OAS2: variants seen among roughly 807,000 people sequenced by gnomAD.
OAS2 encodes the protein 2'-5'-oligoadenylate synthetase 2, also known as 2'-5'-oligoadenylate synthase 2.
Under a neutral mutation model 71.3 loss-of-function variants are expected in OAS2, and 67 were observed. The ratio of observed to expected loss-of-function variants is 0.94; its 90% CI spans 0.77 to 1.15. The LOEUF (loss-of-function observed/expected upper bound fraction) is 1.15, where lower values mean the gene tolerates loss of function less well. Ranked by LOEUF, OAS2 falls within the 50% of genes most tolerant of loss-of-function variation. OAS2 has a pLI of 0.00. For missense variants in OAS2, 789 were observed against 822.5 expected, an observed-to-expected ratio of 0.96 and a Z score of 0.50; for synonymous variants, 327 against 321.8, an observed-to-expected ratio of 1.02 and a Z score of -0.17.
chr12:112,989,866 A>G lies in OAS2; in HGVS notation c.448+2558A>G, dbSNP rs1593197975. Among the ~76,000 whole-genome samples, 5 of 152,244 alleles carry G rather than the reference A, an allele frequency of 3.3e-5. No individual in the cohort carries two copies. In the South Asian group the frequency reaches 8.3e-4, roughly 25 times the overall value. ...GTTTATATACCTAAGCCAGGATTGTATCTCCAGCTCCCCCACCTCCTCACT... is the reference window on the plus strand; with the variant it reads ...GTTTATATACCTAAGCCAGGATTGTGTCTCCAGCTCCCCCACCTCCTCACT... On this transcript the variant is annotated intron_variant, in intron 2 of 9. Coordinates refer to ENST00000392583, the MANE Select transcript of OAS2 (RefSeq NM_002535.3).
rs373397288 is a variant in OAS2, at chr12:113,008,240, G to A, written c.1895+297G>A. 1.1e-4 allele frequency among the ~76,000 whole-genome samples: 16 copies of A among 152,214 alleles called. No individual in the cohort carries two copies. In the South Asian group the frequency reaches 1.5e-3, roughly 14 times the overall value. On this transcript the variant is annotated intron_variant, in intron 9 of 9. Transcript: ENST00000392583. Reference sequence around the variant, plus strand: ...GAATTAACGCTATCATTCACGGGCCGATTTATCCTGCAGGGTTTTTATTGG... The same window carrying A: ...GAATTAACGCTATCATTCACGGGCCAATTTATCCTGCAGGGTTTTTATTGG...
intron 1 of OAS2, among the ~76,000 whole-genome samples, chr12:112,980,952 T>C (rs138051813): frequency 2.0e-5 from 3 of 152,308 alleles, no homozygotes; most frequent in African/African-American, 7.2e-5. Flanking sequence ...TGATTTGCAT[T>C]TCCCTAGTGA....
rs762942728 is a variant in OAS2, at chr12:113,005,032, C to T, written c.1278C>T (p.Asn426=). 3.7e-6 allele frequency: 6 copies of T among 1,614,036 alleles called. No individual in the cohort carries two copies. The highest frequency in any genetic ancestry group is 3.4e-6 in the Non-Finnish European group (4 of 1,180,034). ...TTAAAAGCTACACCTCCCAAAAAAA[C>T]GAGCGGCACAAAATCGTCAAGGAAA... is the stretch of plus-strand genomic sequence containing the variant. ...NSLKSYTSQK[N]ERHKIVKEIH... Residue 426 remains asparagine (N), a synonymous_variant, in exon 7 of 10, where the codon AAC becomes AAT. Coordinates refer to ENST00000392583, the MANE Select transcript of OAS2 (RefSeq NM_002535.3).
chr12:112,997,916 G>A (rs1308228320), intron 4 of OAS2, among the ~76,000 whole-genome samples, 161 bp downstream of exon 4: 2 of 152,186 alleles, frequency 1.3e-5, no homozygotes, highest in African/African-American at 2.4e-5. Context: ...TGAAAGAGGG[G>A]AGGTCCAGCC....
Position 113,004,926 on chromosome 12 carries a change from T to C in OAS2, c.1180-8T>C, listed in dbSNP as rs945396061. On this transcript the variant is annotated splice_region_variant and splice_polypyrimidine_tract_variant and intron_variant, in intron 6 of 9. Transcript: ENST00000392583. ...AATTCTGGATCTCAACCTTCCTTTC[T>C]TCCTTAGGGAGGATCAACCGCCAAA... 1.2e-6 allele frequency: 2 copies of C among 1,611,052 alleles called. No homozygotes were observed. The highest frequency in any genetic ancestry group is 1.7e-6 in the Non-Finnish European group (2 of 1,177,760).
chr12:112,978,764 C>T lies in OAS2; in HGVS notation c.156C>T (p.Pro52=). Residue 52 remains proline, a synonymous_variant, in exon 1 of 10, where the codon CCC becomes CCT. Coordinates refer to ENST00000392583, the MANE Select transcript of OAS2 (RefSeq NM_002535.3). This position sits in a 1 kb window ranked among gnomAD's most constrained non-coding sequence, Gnocchi z 4.2. ...CDVLQEPEQF[P]LVQGVAIGGS... The stretch of plus-strand genomic sequence containing the variant: ...TCCTGCAGGAACCCGAACAGTTCCC[C>T]CTGGTGCAGGGAGTGGCCATAGTGA... 6.2e-7 allele frequency: 1 copy of T among 1,613,816 alleles called. No individual in the cohort carries two copies. The highest frequency in any genetic ancestry group is 8.5e-7 in the Non-Finnish European group (1 of 1,179,860).
intron 7 of OAS2, among the ~76,000 whole-genome samples, chr12:113,005,918 C>CAAAAAAAAAAAAAAAAA (rs138299398): frequency 2.0e-5 from 1 of 49,044 alleles, no homozygotes; most frequent in Non-Finnish European, 3.5e-5. Context: ...ACAACAACAA[C>CAAAAAAAAAAAAAAAAA]AAAAAAAAAA....
rs976333465 is a variant in OAS2 at position 113,008,750 on chromosome 12, C to T, written c.1896-337C>T. On this transcript the variant is annotated intron_variant, in intron 9 of 9. Coordinates refer to ENST00000392583, the MANE Select transcript of OAS2 (RefSeq NM_002535.3). ...AAGCTGGTTCTCCTGCCTCAGCCTCCGAAGTAGCTGGGACTACAGGTGCGC... is the reference window on the plus strand; with the variant it reads ...AAGCTGGTTCTCCTGCCTCAGCCTCTGAAGTAGCTGGGACTACAGGTGCGC... Among the ~76,000 whole-genome samples the T allele has an allele frequency of 5.3e-4, 80 of 152,236 alleles. 1 individual carries two copies. Among genetic ancestry groups the T allele is most frequent in the Admixed American group, 4.4e-3 (68 of 15,290 alleles).
intron 2 of OAS2, among the ~76,000 whole-genome samples, chr12:112,993,035 G>A (rs2044205021): frequency 6.6e-6 from 1 of 152,172 alleles, no homozygotes; most frequent in Admixed American, 6.5e-5. Context: ...TGGTGGTAAA[G>A]CTGCACATTC....
In OAS2 at chr12:113,004,998, A is replaced by G. The variant is rs1426264643; in HGVS notation, c.1244A>G (p.His415Arg). The G allele has an allele frequency of 9.3e-6, 15 of 1,614,076 alleles. No individual in the cohort carries two copies. Among genetic ancestry groups the G allele is most frequent in the African/African-American group, 4.0e-5 (3 of 74,942 alleles). The change falls in exon 7 of 10, where the codon CAT (histidine) becomes CGT (arginine). Residue 415 changes from histidine (H) to arginine (R), a missense_variant. Transcript: ENST00000392583. ...TCTGATGCCGATCTCGTCGTGTTCC[A>G]TAACTCACTTAAAAGCTACACCTCC... is the stretch of plus-strand genomic sequence containing the variant. ...TGSDADLVVF[H>R]NSLKSYTSQK...
At chr12:112,990,771 GTC>G (rs1368028678) in intron 2 of OAS2, among the ~76,000 whole-genome samples, 1 of 152,180 alleles carries the variant, frequency 6.6e-6, no homozygotes, top group Non-Finnish European at 1.5e-5. Flanking sequence ...GCTACAAAGA[GTC>G]TGTTCTGTCA....
intron 5 of OAS2, among the ~76,000 whole-genome samples, chr12:113,001,217 G>A (rs1329909932): frequency 6.6e-6 from 1 of 151,706 alleles, no homozygotes; most frequent in Non-Finnish European, 1.5e-5. Context: ...GTCCCAGCTA[G>A]TTGGGAGGCT....
At chr12:113,000,567 A>G (rs1157122354) in intron 5 of OAS2, among the ~76,000 whole-genome samples, 2 of 150,398 alleles carry the variant, frequency 1.3e-5, no homozygotes, top group Non-Finnish European at 3.0e-5. Context: ...CACCATGCAC[A>G]CACGCACACA....
In OAS2 at chr12:113,009,973, T is replaced by C. The variant is rs985546599; in HGVS notation, c.*718T>C. On this transcript the variant is annotated 3_prime_UTR_variant, in exon 10 of 10. Transcript: ENST00000392583. ...AGCAGGATTTCTCAACTTTGATACT[T>C]ACTCACATTTGGGGCTAGACAGTTC... 1 of 983,736 alleles carries C rather than the reference T, an allele frequency of 1.0e-6. No homozygotes were observed. Among genetic ancestry groups the C allele is most frequent in the Non-Finnish European group, 1.2e-6 (1 of 827,878 alleles). 60.9% of individuals were successfully genotyped at this position (983,736 alleles called of 1,614,324 possible).
Position 112,979,449 on chromosome 12 carries a change from C to T in OAS2, c.177+664C>T, listed in dbSNP as rs575065249. Among the ~76,000 whole-genome samples, 21 of 152,274 alleles carry T rather than the reference C, an allele frequency of 1.4e-4. No homozygotes were observed. The South Asian group carries it at 1.9e-3, about 14-fold the overall frequency. ...TTGGTCTCTACCCCTTGCACACATC[C>T]GCTAGTGCCTCAATAAAGAAATCTA... is the stretch of plus-strand genomic sequence containing the variant. On this transcript the variant is annotated intron_variant, in intron 1 of 9. Transcript: ENST00000392583.
intron 7 of OAS2, 56 bp downstream of exon 7, chr12:113,005,278 A>G (rs2044321771): frequency 6.5e-7 from 1 of 1,545,316 alleles, no homozygotes; most frequent in Admixed American, 1.9e-5. Flanking sequence ...GTGGAGGGAG[A>G]GCCACGTGAC....
intron 5 of OAS2, among the ~76,000 whole-genome samples, chr12:112,999,608 C>T (rs1247241259): frequency 1.3e-5 from 2 of 152,152 alleles, no homozygotes; most frequent in East Asian, 1.9e-4. Flanking sequence ...CCTAACTGGA[C>T]CCAGAAGGAT....
chr12:113,005,883 C>G (rs1020812773), intron 7 of OAS2, among the ~76,000 whole-genome samples: 1 of 106,236 alleles, frequency 9.4e-6, no homozygotes, highest in African/African-American at 4.2e-5. Context: ...CAGAGCAAAA[C>G]TCTGTCTCAA....
chr12:112,990,059 GCT>G (rs2044178037), intron 2 of OAS2, among the ~76,000 whole-genome samples: 1 of 152,174 alleles, frequency 6.6e-6, no homozygotes, highest in Non-Finnish European at 1.5e-5. Context: ...TGCAGCTGGT[GCT>G]CTCTTTCCAT....
Sources: gnomAD v4.1 joint callset for allele counts (sites outside exome capture counted in the v4.1 genomes callset) on GRCh38, gnomAD v4.1.1 for gene constraint, Gnocchi (gnomAD v3.1) non-coding constraint, MANE v1.5 for transcripts, NCBI Gene and HGNC (gene_info 2026-07-23, HGNC 2026-07-21) for gene names.